DAB1: variants seen among roughly 807,000 people sequenced by gnomAD.
DAB1 encodes disabled homolog 1.
DAB1 carries 15 observed loss-of-function variants against 64.6 expected under a neutral mutation model. The ratio of observed to expected loss-of-function variants is 0.23; its 90% CI spans 0.16 to 0.36. DAB1 has a LOEUF of 0.36. Among genes scored for constraint, DAB1 ranks in the 10% least tolerant of loss-of-function variants. The probability of loss-of-function intolerance (pLI) is 1.00; values close to 1 mark genes in which losing one functional copy is unlikely to be tolerated. For missense variants in DAB1, 596 were observed against 706.7 expected, an observed-to-expected ratio of 0.84 and a Z score of 1.78; for synonymous variants, 235 against 251.9, an observed-to-expected ratio of 0.93 and a Z score of 0.64.
At chr1:57,698,488 G>A (rs1646872200) in intron 6 of DAB1, among the ~76,000 whole-genome samples, 1 of 152,122 alleles carries the variant, frequency 6.6e-6, no homozygotes, top group Non-Finnish European at 1.5e-5. Context: ...GCGGCTTCAT[G>A]TGTCACCACA....
chr1:58,474,623 C>T (rs759050894), intron 3 of DAB1, among the ~76,000 whole-genome samples: 2 of 152,116 alleles, frequency 1.3e-5, no homozygotes, highest in Non-Finnish European at 2.9e-5. Flanking sequence ...CTGATTGGCT[C>T]ATTGCAAAGG....
At chr1:57,228,691 A>T (rs1232234701) in intron 2 of DAB1, among the ~76,000 whole-genome samples, 1 of 152,224 alleles carries the variant, frequency 6.6e-6, no homozygotes, top group Non-Finnish European at 1.5e-5. Context: ...GTAAAACTGA[A>T]GATGCATATA....
chr1:57,214,927 A>AG (rs1553156903), intron 2 of DAB1, among the ~76,000 whole-genome samples: 11 of 148,738 alleles, frequency 7.4e-5, no homozygotes, highest in South Asian at 2.1e-4. Context: ...AAAAAAAAAA[A>AG]AAAGAAAGAA....
At chr1:57,587,820 G>T (rs546889766) in intron 7 of DAB1, among the ~76,000 whole-genome samples, 1 of 152,342 alleles carries the variant, frequency 6.6e-6, no homozygotes, top group Non-Finnish European at 1.5e-5. Flanking sequence ...AGGTAAAAAA[G>T]ACAGACATCA....
At chr1:57,635,320 T>G (rs866725742) in intron 7 of DAB1, among the ~76,000 whole-genome samples, 3 of 152,272 alleles carry the variant, frequency 2.0e-5, no homozygotes, top group Middle Eastern at 3.4e-3. Context: ...TGTTAGGCAC[T>G]GAGCCGCATA....
intron 2 of DAB1, among the ~76,000 whole-genome samples, chr1:58,524,171 CATT>C (rs1458584545): frequency 1.3e-5 from 2 of 152,188 alleles, no homozygotes; most frequent in Non-Finnish European, 2.9e-5. Context: ...TCTTGATGCT[CATT>C]AATAAATGTC....
intron 4 of DAB1, among the ~76,000 whole-genome samples, chr1:57,100,054 G>T (rs1294971136): frequency 6.6e-6 from 1 of 152,176 alleles, no homozygotes; most frequent in Non-Finnish European, 1.5e-5. Context: ...CAGTGATCAA[G>T]CGGTAGATTT....
chr1:57,988,436 T>C (rs1424490427), intron 5 of DAB1, among the ~76,000 whole-genome samples: 3 of 152,162 alleles, frequency 2.0e-5, no homozygotes, highest in Non-Finnish European at 4.4e-5. Flanking sequence ...GATTCGAAGG[T>C]TTCAAATGAC....
intron 2 of DAB1, among the ~76,000 whole-genome samples, chr1:57,282,193 A>C (rs1263414407): frequency 3.0e-5 from 3 of 98,726 alleles, no homozygotes; most frequent in Non-Finnish European, 2.1e-5. Flanking sequence ...AAAAAAAAAA[A>C]AAAAAAAAAA....
At chr1:58,516,665 G>A (rs75943377) in intron 2 of DAB1, among the ~76,000 whole-genome samples, 4,093 of 152,278 alleles carry the variant, frequency 0.027, 177 homozygotes, top group African/African-American at 0.092. Flanking sequence ...TACTTTGAAA[G>A]AGGCTTCATG....
At chr1:57,193,112 G>C (rs1421942158) in intron 2 of DAB1, among the ~76,000 whole-genome samples, 1 of 152,090 alleles carries the variant, frequency 6.6e-6, no homozygotes, top group Non-Finnish European at 1.5e-5. Context: ...CAAGAACACA[G>C]TGTTATTAAC....
intron 5 of DAB1, among the ~76,000 whole-genome samples, chr1:57,954,142 G>T (rs1185955342): frequency 1.3e-5 from 2 of 152,122 alleles, no homozygotes; most frequent in Non-Finnish European, 2.9e-5. Context: ...AAGTTCGGAT[G>T]TATTGGCCAT....
chr1:57,671,880 T>C (rs1646513798), intron 6 of DAB1, among the ~76,000 whole-genome samples: 2 of 152,122 alleles, frequency 1.3e-5, no homozygotes, highest in Non-Finnish European at 2.9e-5. Context: ...ATGGACTAGA[T>C]ATGATTTACA....
At chr1:58,082,809 G>C (rs899270820) in intron 5 of DAB1, among the ~76,000 whole-genome samples, 5 of 152,094 alleles carry the variant, frequency 3.3e-5, no homozygotes, top group East Asian at 3.9e-4. Flanking sequence ...CAGACAGGTG[G>C]GGGGGAGGGG....
chr1:57,109,071 G>T (rs954025574), intron 4 of DAB1, among the ~76,000 whole-genome samples: 6 of 152,134 alleles, frequency 3.9e-5, no homozygotes, highest in African/African-American at 1.4e-4. Flanking sequence ...ATTTGGACTT[G>T]GTGTCTGTAT....
intron 1 of DAB1, among the ~76,000 whole-genome samples, chr1:57,402,629 A>G (rs1241062466): frequency 1.3e-5 from 2 of 152,182 alleles, no homozygotes; most frequent in South Asian, 2.1e-4. Flanking sequence ...AGCTTAGGCA[A>G]TATATTTTCT....
At position 57,099,366 on chromosome 1, in the gene DAB1, T is replaced by C. The variant is rs146727617; in HGVS notation, c.307-26952A>G. ...TGAGCAAAAATAAATGTTTGATAAA[T>C]GTCAGCTGCTGTTATTAGTAGTAAT... On this transcript the variant is annotated intron_variant, in intron 4 of 14. Coordinates refer to ENST00000371236, the MANE Select transcript of DAB1 (RefSeq NM_001365792.1). Among the ~76,000 whole-genome samples the C allele has an allele frequency of 2.3e-3, 352 of 152,364 alleles. 2 individuals carry two copies. Among genetic ancestry groups the C allele is most frequent in the African/African-American group, 8.1e-3 (338 of 41,584 alleles).
chr1:58,450,502 C>G (rs983889505), intron 3 of DAB1, among the ~76,000 whole-genome samples: 2 of 152,158 alleles, frequency 1.3e-5, no homozygotes, highest in Admixed American at 1.3e-4. Context: ...CGTCTGTAAT[C>G]CCAGCACTTT....
chr1:57,325,777 T>C (rs1369689599), intron 1 of DAB1, among the ~76,000 whole-genome samples: 2 of 152,172 alleles, frequency 1.3e-5, no homozygotes, highest in Non-Finnish European at 2.9e-5. Context: ...TGTTTTTGGC[T>C]TCCCTCACCT....
Sources: allele counts gnomAD v4.1 joint callset (sites outside exome capture counted in the v4.1 genomes callset), GRCh38; gene constraint gnomAD v4.1.1; transcripts MANE v1.5; gene names NCBI Gene and HGNC (gene_info 2026-07-23, HGNC 2026-07-21).